Variants in BCR observed in about 807,000 individuals in gnomAD.
BCR encodes BCR activator of RhoGEF and GTPase.
Under a neutral mutation model 138.6 loss-of-function variants are expected in BCR, and 58 were observed. The ratio of observed to expected loss-of-function variants is 0.42; its 90% CI spans 0.34 to 0.52. The LOEUF is 0.52. Among genes scored for constraint, BCR ranks in the 20% least tolerant of loss-of-function variants. The pLI, the probability that BCR is intolerant of heterozygous loss-of-function variation, is 0.06. For synonymous variants in BCR, 786 were observed against 730.1 expected (o/e 1.08, Z -1.23); for missense variants, 1,599 against 1,727.2 (o/e 0.93, Z 1.32).
At chr22:23,190,684 C>T (rs1274647579) in intron 1 of BCR, among the ~76,000 whole-genome samples, 2 of 152,096 alleles carry the variant, frequency 1.3e-5, no homozygotes, top group Non-Finnish European at 2.9e-5. Flanking sequence ...AAAGGGCTGC[C>T]AGGCAGAGGG....
chr22:23,267,073 A>G (rs991103503), intron 4 of BCR, among the ~76,000 whole-genome samples: 1 of 152,062 alleles, frequency 6.6e-6, no homozygotes, highest in Admixed American at 6.5e-5. Context: ...GTGTGTGTTC[A>G]TGCATGTGTT....
chr22:23,301,286 A>G (rs936132847), intron 16 of BCR, among the ~76,000 whole-genome samples: 1 of 152,250 alleles, frequency 6.6e-6, no homozygotes, highest in Non-Finnish European at 1.5e-5. Flanking sequence ...AGCCTGGGGG[A>G]CAGAGCGAGA....
At chr22:23,231,828 A>G (rs2072962875) in intron 1 of BCR, among the ~76,000 whole-genome samples, 1 of 152,120 alleles carries the variant, frequency 6.6e-6, no homozygotes, top group South Asian at 2.1e-4. Flanking sequence ...TAGTGGGAGA[A>G]TTTTGTTTGG....
In BCR at chr22:23,312,972, C is replaced by T. The variant is rs754733442; in HGVS notation, c.3408C>T (p.Pro1136=). 1.0e-5 allele frequency: 16 copies of T among 1,590,418 alleles called. No individual in the cohort carries two copies. The highest frequency in any genetic ancestry group is 8.9e-5 in the East Asian group (4 of 44,700). ...TGAAGCTGTACTTCCGTGAGCTGCC[C>T]GAGCCCCTCTTCACTGACGAGTTCT... ...GTLKLYFREL[P]EPLFTDEFYP... is the part of the protein sequence containing the mutation. Residue 1136 remains proline (P), a synonymous_variant, in exon 20 of 23, where the codon CCC becomes CCT. Coordinates refer to ENST00000305877, the MANE Select transcript of BCR (RefSeq NM_004327.4).
intron 1 of BCR, chr22:23,199,363 C>T (rs777539702): frequency 1.4e-5 from 7 of 512,958 alleles, no homozygotes; most frequent in Middle Eastern, 6.4e-4. Flanking sequence ...GTGAGCCCCG[C>T]GGTTGCTTAT....
intron 1 of BCR, among the ~76,000 whole-genome samples, chr22:23,210,697 G>A (rs1213405827): frequency 6.6e-6 from 1 of 152,160 alleles, no homozygotes; most frequent in Non-Finnish European, 1.5e-5. Flanking sequence ...TCCCCTTACA[G>A]TTTAGCACTT....
intron 16 of BCR, among the ~76,000 whole-genome samples, chr22:23,304,359 AT>A (rs2073936010): frequency 6.6e-6 from 1 of 151,716 alleles, no homozygotes; most frequent in Non-Finnish European, 1.5e-5. Flanking sequence ...TTTTTGACTG[AT>A]TTCCTCCACT....
intron 1 of BCR, among the ~76,000 whole-genome samples, chr22:23,215,743 A>G (rs1602023540): frequency 6.6e-6 from 1 of 152,312 alleles, no homozygotes. Flanking sequence ...AGTGGAACTA[A>G]GTGGAAGGTC....
At chr22:23,260,682 G>C (rs116240847) in intron 2 of BCR, among the ~76,000 whole-genome samples, 5 of 152,224 alleles carry the variant, frequency 3.3e-5, no homozygotes, top group Admixed American at 3.3e-4. Flanking sequence ...AGCCTGCTCC[G>C]CACCAAACTC....
At chr22:23,269,176 G>A (rs1346398765) in intron 5 of BCR, among the ~76,000 whole-genome samples, 2 of 152,244 alleles carry the variant, frequency 1.3e-5, no homozygotes, top group Non-Finnish European at 1.5e-5. Context: ...TCAGAAGGCT[G>A]GTGGCCCAGC....
chr22:23,285,189 C>T lies in BCR; in HGVS notation c.2394C>T (p.Ile798=), dbSNP rs761005301. The T allele has an allele frequency of 6.2e-7, 1 of 1,612,472 alleles. No homozygotes were observed. The highest frequency in any genetic ancestry group is 8.5e-7 in the Non-Finnish European group (1 of 1,179,504). ...KIKISQIKND[I]QREKRANKGS... The stretch of plus-strand genomic sequence containing the variant: ...AGATCTCCCAGATCAAGAATGACAT[C>T]CAGAGAGAGAAGGTGCACACCAGGG... The change falls in exon 10 of 23, where the codon ATC becomes ATT. Residue 798 remains isoleucine, a synonymous_variant. Transcript: ENST00000305877.
chr22:23,252,029 G>A (rs1414972624), intron 1 of BCR, among the ~76,000 whole-genome samples: 1 of 152,254 alleles, frequency 6.6e-6, no homozygotes, highest in Non-Finnish European at 1.5e-5. Flanking sequence ...ATCTCCAGGT[G>A]CCTCTGGGAG....
intron 16 of BCR, among the ~76,000 whole-genome samples, chr22:23,298,517 TTTCCTTCCCTTCC>T (rs1296585377): frequency 8.0e-5 from 12 of 150,236 alleles, no homozygotes; most frequent in Non-Finnish European, 1.3e-4. Context: ...TTTCCTCACT[TTTCCTTCCCTTCC>T]TTCCTTCCCT....
rs763153895 is a variant in BCR, at chr22:23,181,779, C to T, written c.819C>T (p.Pro273=). 5 of 1,607,566 alleles carry T rather than the reference C, an allele frequency of 3.1e-6. No individual in the cohort carries two copies. The highest frequency in any genetic ancestry group is 3.3e-5 in the Admixed American group (2 of 60,026). ...GCGGTAGCAGGCCCCCTTGGCCGCCCCTGGAGTACCAGCCCTACCAGAGCA... is the reference window on the plus strand; with the variant it reads ...GCGGTAGCAGGCCCCCTTGGCCGCCTCTGGAGTACCAGCCCTACCAGAGCA... ...ANGGSRPPWP[P]LEYQPYQSIY... Residue 273 remains proline (P), a synonymous_variant, in exon 1 of 23, where the codon CCC becomes CCT. Coordinates refer to ENST00000305877, the MANE Select transcript of BCR (RefSeq NM_004327.4).
intron 1 of BCR, among the ~76,000 whole-genome samples, chr22:23,196,248 G>A (rs932342833): frequency 6.6e-6 from 1 of 152,164 alleles, no homozygotes; most frequent in Non-Finnish European, 1.5e-5. Context: ...TGGATGTGTA[G>A]GCAGATAAGA....
At position 23,180,591 on chromosome 22, in the gene BCR, C is replaced by CGGCGGCGGCGGCGGCGGCGGCG. The variant is rs1555958114; in HGVS notation, c.-370_-369insGGCGGCGGCGGCGGCGGCGGCG. 7.3e-5 allele frequency: 2 copies of CGGCGGCGGCGGCGGCGGCGGCG among 27,552 alleles called. No homozygotes were observed. Among genetic ancestry groups the CGGCGGCGGCGGCGGCGGCGGCG allele is most frequent in the African/African-American group, 3.3e-3 (2 of 608 alleles). The allele number at this position is 27,552 out of a possible 1,614,324, so 1.7% of individuals were successfully genotyped here. On this transcript the variant is annotated 5_prime_UTR_variant, in exon 1 of 23. Transcript: ENST00000305877. ...GAGGAGGCGGCGGCGGCGGCGGCGG[C>CGGCGGCGGCGGCGGCGGCGGCG]ACGGCGGCGGCGGGGCTGTGGGGCG... is the stretch of plus-strand genomic sequence containing the variant.
intron 1 of BCR, among the ~76,000 whole-genome samples, chr22:23,225,553 G>A (rs1306118578): frequency 1.3e-5 from 2 of 152,214 alleles, no homozygotes; most frequent in Non-Finnish European, 2.9e-5. Context: ...ACACGGGTAT[G>A]GGGGAAATCC....
At chr22:23,247,391 G>A (rs1209043752) in intron 1 of BCR, among the ~76,000 whole-genome samples, 1 of 152,208 alleles carries the variant, frequency 6.6e-6, no homozygotes, top group East Asian at 1.9e-4. Context: ...GCTCCCTGGA[G>A]TTCCTGCCTC....
At position 23,273,571 on chromosome 22, in the gene BCR, T is replaced by C. The variant is rs530021378; in HGVS notation, c.1975-63T>C. The stretch of plus-strand genomic sequence containing the variant: ...CCGTCCACACTTTGTGTCTGCACTT[T>C]GCACACAGTGGCAGGTGCCAGTGCT... On this transcript the variant is annotated intron_variant, in intron 7 of 22. Transcript: ENST00000305877. 109 of 1,606,784 alleles carry C rather than the reference T, an allele frequency of 6.8e-5. 1 individual carries two copies. In the African/African-American group the frequency reaches 1.4e-3, roughly 20 times the overall value.
Sources: gnomAD v4.1 joint callset for allele counts (sites outside exome capture counted in the v4.1 genomes callset) on GRCh38, gnomAD v4.1.1 for gene constraint, MANE v1.5 for transcripts, NCBI Gene and HGNC (gene_info 2026-07-23, HGNC 2026-07-21) for gene names.